Variants in DENND5B observed in about 807,000 individuals in gnomAD.
The protein encoded by DENND5B is DENN domain-containing protein 5B.
A neutral mutation model predicts 140.6 loss-of-function variants in DENND5B; 34 were observed. The ratio of observed to expected loss-of-function variants is 0.24; its 90% CI spans 0.18 to 0.32. The LOEUF (loss-of-function observed/expected upper bound fraction) is 0.32, where lower values mean the gene tolerates loss of function less well. Ranked by LOEUF, DENND5B falls within the 10% of genes least tolerant of loss-of-function variation. The probability of loss-of-function intolerance (pLI) is 1.00; values close to 1 mark genes in which losing one functional copy is unlikely to be tolerated. For synonymous variants in DENND5B, 551 were observed against 562.1 expected (o/e 0.98, Z 0.28); for missense variants, 1,142 against 1,560.2 (o/e 0.73, Z 4.52).
chr12:31,509,401 G>A (rs946987254), intron 1 of DENND5B, among the ~76,000 whole-genome samples: 3 of 152,174 alleles, frequency 2.0e-5, no homozygotes, highest in Non-Finnish European at 4.4e-5. Context: ...CATTCTAAGG[G>A]GAGAGACCCA....
chr12:31,398,402 T>G (rs909426537), intron 16 of DENND5B, 40 bp from the exon 17 acceptor site: 4 of 1,513,354 alleles, frequency 2.6e-6, no homozygotes, highest in Non-Finnish European at 3.5e-6. Context: ...TTTTATTTTT[T>G]TGAGACAGGG....
intron 14 of DENND5B, among the ~76,000 whole-genome samples, chr12:31,406,434 G>T (rs1942130535): frequency 6.6e-6 from 1 of 151,948 alleles, no homozygotes; most frequent in Non-Finnish European, 1.5e-5. Context: ...TTTTATTTTG[G>T]CTTTAGGATA....
chr12:31,454,441 A>ATTCTT (rs987093007), intron 4 of DENND5B, among the ~76,000 whole-genome samples: 3 of 152,000 alleles, frequency 2.0e-5, no homozygotes, highest in East Asian at 1.9e-4. Context: ...TGCCTACACC[A>ATTCTT]TTCTTTTCTT....
At chr12:31,550,559 T>G (rs1423304002) in intron 1 of DENND5B, among the ~76,000 whole-genome samples, 1 of 152,076 alleles carries the variant, frequency 6.6e-6, no homozygotes, top group Non-Finnish European at 1.5e-5. Context: ...GCATGATTTA[T>G]AATCCTTTGG....
At chr12:31,583,069 G>T (rs1950260368) in intron 1 of DENND5B, among the ~76,000 whole-genome samples, 1 of 152,136 alleles carries the variant, frequency 6.6e-6, no homozygotes, top group African/African-American at 2.4e-5. Flanking sequence ...CAAGGTGGGT[G>T]GATCACAAGG....
At chr12:31,425,847 AGAG>A (rs1943206366) in intron 9 of DENND5B, among the ~76,000 whole-genome samples, 1 of 152,226 alleles carries the variant, frequency 6.6e-6, no homozygotes, top group Non-Finnish European at 1.5e-5. Context: ...CAGGTTTCTG[AGAG>A]GAGAACGTTG....
chr12:31,442,755 CAAGTG>C lies in DENND5B; in HGVS notation c.2012+15_2012+19del. The C allele has an allele frequency of 6.2e-7, 1 of 1,608,244 alleles. No individual in the cohort carries two copies. ...TCATTCATTCCTTCAACCAACTACT[CAAGTG>C]AAGAACATGCTTACTTGTTACTGGT... On this transcript the variant is annotated intron_variant, in intron 7 of 20. Coordinates refer to ENST00000389082, the MANE Select transcript of DENND5B (RefSeq NM_144973.4).
At chr12:31,485,973 A>T (rs1289371110) in intron 2 of DENND5B, among the ~76,000 whole-genome samples, 1 of 152,236 alleles carries the variant, frequency 6.6e-6, no homozygotes, top group Non-Finnish European at 1.5e-5. Flanking sequence ...ACTAACACCA[A>T]GTAGAATACA....
chr12:31,402,507 C>G lies in DENND5B; in HGVS notation c.2940G>C (p.Met980Ile). The G allele has an allele frequency of 3.7e-6, 6 of 1,613,332 alleles. No homozygotes were observed. Among genetic ancestry groups the G allele is most frequent in the Non-Finnish European group, 5.1e-6 (6 of 1,179,660 alleles). Reference sequence around the variant, plus strand: ...TATTAGCTGAACCTACCTCAAAGGTCATTTCGAGGAGGTTTTTGGGAATCT... The same window carrying G: ...TATTAGCTGAACCTACCTCAAAGGTGATTTCGAGGAGGTTTTTGGGAATCT... Reference protein sequence around the residue: ...VMQIPKNLLEMTFECQNLGKL... With the variant: ...VMQIPKNLLEITFECQNLGKL... The change falls in exon 15 of 21, where the codon ATG (methionine) becomes ATC (isoleucine). Residue 980 changes from methionine (M) to isoleucine (I), a missense_variant. By Grantham distance (10) the Met-to-Ile change is conservative. Coordinates refer to ENST00000389082, the MANE Select transcript of DENND5B (RefSeq NM_144973.4).
At chr12:31,517,242 T>G (rs1368490388) in intron 1 of DENND5B, among the ~76,000 whole-genome samples, 1 of 152,200 alleles carries the variant, frequency 6.6e-6, no homozygotes, top group Non-Finnish European at 1.5e-5. Flanking sequence ...CAACCCACGG[T>G]GATTCCTTTT....
At chr12:31,586,994 TG>T (rs1480139197) in intron 1 of DENND5B, among the ~76,000 whole-genome samples, 1 of 152,226 alleles carries the variant, frequency 6.6e-6, no homozygotes, top group Non-Finnish European at 1.5e-5. Context: ...GTTGAGAACA[TG>T]ATATGACATT....
At position 31,392,690 on chromosome 12, in the gene DENND5B, T is replaced by C. The variant is rs748133836; in HGVS notation, c.3263A>G (p.Asn1088Ser). The change falls in exon 18 of 21, where the codon AAT becomes AGT. Residue 1088 changes from asparagine to serine, a missense_variant. Coordinates refer to ENST00000389082, the MANE Select transcript of DENND5B (RefSeq NM_144973.4). Reference sequence around the variant, plus strand: ...AATTCCTTCTTGTATCTGCCCAGCATTGGGTTCTGTAAAATAATAAACAGT... The same window carrying C: ...AATTCCTTCTTGTATCTGCCCAGCACTGGGTTCTGTAAAATAATAAACAGT... Reference protein sequence around the residue: ...TSLTGKNNKPNAGQIQEGIGE... With the variant: ...TSLTGKNNKPSAGQIQEGIGE... The C allele has an allele frequency of 1.9e-5, 29 of 1,554,594 alleles. No homozygotes were observed. Among genetic ancestry groups the C allele is most frequent in the East Asian group, 4.8e-5 (2 of 41,812 alleles).
At position 31,400,998 on chromosome 12, in the gene DENND5B, A is replaced by G. The variant is rs1384690128; in HGVS notation, c.2950-1226T>C. 2.0e-5 allele frequency among the ~76,000 whole-genome samples: 3 copies of G among 151,708 alleles called. No individual in the cohort carries two copies. The East Asian group carries it at 5.8e-4, about 29-fold the overall frequency. The stretch of plus-strand genomic sequence containing the variant: ...GCTGGGATTACAGGCATGTGCCACC[A>G]TGCCCGGCTAATTTTTGTGTTTTTA... On this transcript the variant is annotated intron_variant, in intron 15 of 20. Coordinates refer to ENST00000389082, the MANE Select transcript of DENND5B (RefSeq NM_144973.4).
rs190639207 is a variant in DENND5B at position 31,428,852 on chromosome 12, C to T, written c.2107-2428G>A. Among the ~76,000 whole-genome samples, 43 of 152,346 alleles carry T rather than the reference C, an allele frequency of 2.8e-4. 1 individual carries two copies. In the East Asian group the frequency reaches 7.9e-3, roughly 28 times the overall value. On this transcript the variant is annotated intron_variant, in intron 8 of 20. Coordinates refer to ENST00000389082, the MANE Select transcript of DENND5B (RefSeq NM_144973.4). Reference sequence around the variant, plus strand: ...TTTCACACCATTCTCCTGCCTCAGCCTCCCAAGTAGCTGGGACTACAGGCG... The same window carrying T: ...TTTCACACCATTCTCCTGCCTCAGCTTCCCAAGTAGCTGGGACTACAGGCG...
intron 8 of DENND5B, among the ~76,000 whole-genome samples, chr12:31,428,356 T>A (rs555960901): frequency 6.7e-5 from 10 of 149,772 alleles, no homozygotes; most frequent in South Asian, 6.4e-4. Context: ...AAAAAAAAAA[T>A]GTTTGCAGCA....
intron 20 of DENND5B, 146 bp downstream of exon 20, chr12:31,389,178 T>C: frequency 1.4e-6 from 1 of 712,934 alleles, no homozygotes; most frequent in East Asian, 3.0e-5. Context: ...GCCTAGGCGA[T>C]GGAGTGAGAC....
intron 1 of DENND5B, among the ~76,000 whole-genome samples, chr12:31,582,409 A>T (rs1950234895): frequency 6.6e-6 from 1 of 152,218 alleles, no homozygotes; most frequent in Admixed American, 6.5e-5. Context: ...TGGTTTCACA[A>T]GCATTCATAC....
rs144711227 is a variant in DENND5B at position 31,468,520 on chromosome 12, A to G, written c.905-8139T>C. On this transcript the variant is annotated intron_variant, in intron 3 of 20. Coordinates refer to ENST00000389082, the MANE Select transcript of DENND5B (RefSeq NM_144973.4). ...AGTAAAATCTGGTTCTTTAAAGAGT[A>G]ATAGGGCTGGGCACAATGGCTCATA... Among the ~76,000 whole-genome samples the G allele has an allele frequency of 3.7e-3, 567 of 152,238 alleles. 4 individuals carry two copies. Among genetic ancestry groups the G allele is most frequent in the African/African-American group, 0.011 (450 of 41,548 alleles).
Position 31,530,642 on chromosome 12 carries a change from C to T in DENND5B, c.128-34723G>A, listed in dbSNP as rs933037389. Among the ~76,000 whole-genome samples, 19 of 152,234 alleles carry T rather than the reference C, an allele frequency of 1.2e-4. No homozygotes were observed. The East Asian group carries it at 3.3e-3, about 26-fold the overall frequency. ...TATTAAATTTTAAAAATAGAATACA[C>T]ATTTTCACGCTCTTTAAAAATAATT... On this transcript the variant is annotated intron_variant, in intron 1 of 20. Transcript: ENST00000389082.
Sources: gnomAD v4.1 joint callset for allele counts (sites outside exome capture counted in the v4.1 genomes callset) on GRCh38, gnomAD v4.1.1 for gene constraint, MANE v1.5 for transcripts, NCBI Gene and HGNC (gene_info 2026-07-23, HGNC 2026-07-21) for gene names.